Variants in ME1 observed in about 807,000 individuals in gnomAD.
The protein encoded by ME1 is malic enzyme 1, also known as NADP-dependent malic enzyme.
In ME1, 74 loss-of-function variants were observed where a neutral mutation model predicts 66.4. The ratio of observed to expected loss-of-function variants is 1.11; its 90% CI spans 0.92 to 1.35. ME1 has a LOEUF of 1.35. Among genes scored for constraint, ME1 ranks in the 40% most tolerant of loss-of-function variants. ME1 has a pLI of 0.00. For synonymous variants in ME1, 251 were observed against 235.6 expected, an observed-to-expected ratio of 1.07 and a Z score of -0.60; for missense variants, 750 against 694.1, an observed-to-expected ratio of 1.08 and a Z score of -0.90.
intron 8 of ME1, 117 bp downstream of exon 8, chr6:83,239,422 C>A: frequency 1.6e-6 from 1 of 621,238 alleles, no homozygotes. Flanking sequence ...TTCCATAAAG[C>A]CTACAGTCAT....
In ME1 at chr6:83,398,470, A is replaced by C; in HGVS notation, c.259T>G (p.Tyr87Asp). The C allele has an allele frequency of 5.7e-6, 9 of 1,584,180 alleles. No individual in the cohort carries two copies. Among genetic ancestry groups the C allele is most frequent in the Non-Finnish European group, 7.8e-6 (9 of 1,160,934 alleles). Residue 87 changes from tyrosine to aspartate, a missense_variant, in exon 3 of 14, where the codon TAT becomes GAT. Physicochemically the swap from Tyr to Asp is radical, Grantham distance 160 (BLOSUM62 -3). Transcript: ENST00000369705. Reference protein sequence around the residue: ...DLQDRNEKLFYRVLTSDIEKF... With the variant: ...DLQDRNEKLFDRVLTSDIEKF... ...TCAATGTCAGATGTCAGCACTCTAT[A>C]AAAGAGTTTTTCATTTCTATCTTGG...
chr6:83,384,678 G>C (rs979883205), intron 3 of ME1, among the ~76,000 whole-genome samples: 1 of 151,686 alleles, frequency 6.6e-6, no homozygotes, highest in Non-Finnish European at 1.5e-5. Context: ...TGTTGCAGTT[G>C]CTTTTGGGAA....
intron 3 of ME1, among the ~76,000 whole-genome samples, chr6:83,387,505 A>G (rs953065721): frequency 6.6e-6 from 1 of 152,110 alleles, no homozygotes; most frequent in Non-Finnish European, 1.5e-5. Flanking sequence ...CATATAAGTA[A>G]ACATTATTTA....
intron 12 of ME1, among the ~76,000 whole-genome samples, chr6:83,220,470 C>G (rs995686400): frequency 3.3e-5 from 5 of 152,194 alleles, no homozygotes; most frequent in Non-Finnish European, 5.9e-5. Flanking sequence ...AGCCAAAAAT[C>G]TCTTCATGAT....
intron 3 of ME1, among the ~76,000 whole-genome samples, chr6:83,380,965 T>C (rs1769384022): frequency 6.6e-6 from 1 of 152,078 alleles, no homozygotes; most frequent in Non-Finnish European, 1.5e-5. Context: ...AGGAAATGTA[T>C]TAGATATAGT....
intron 6 of ME1, among the ~76,000 whole-genome samples, chr6:83,281,404 C>A (rs964739352): frequency 2.0e-5 from 3 of 152,170 alleles, no homozygotes; most frequent in Non-Finnish European, 4.4e-5. Context: ...TCTGATAACT[C>A]ATCTAACAAC....
intron 6 of ME1, among the ~76,000 whole-genome samples, chr6:83,254,080 T>C (rs1790765819): frequency 6.6e-6 from 1 of 152,192 alleles, no homozygotes; most frequent in Non-Finnish European, 1.5e-5. Context: ...CGAAGATAGA[T>C]ATCACTTCTG....
intron 1 of ME1, among the ~76,000 whole-genome samples, chr6:83,417,089 G>A (rs1024502712): frequency 6.6e-6 from 1 of 152,038 alleles, no homozygotes; most frequent in African/African-American, 2.4e-5. Context: ...ACAGTCTGTT[G>A]CCCAGGATAG....
chr6:83,315,255 T>C, intron 6 of ME1, 55 bp downstream of exon 6: 1 of 1,056,324 alleles, frequency 9.5e-7, no homozygotes, highest in South Asian at 1.4e-5. Context: ...GATTTTTTAA[T>C]AGTCTGTTAT....
At chr6:83,332,976 T>G (rs2128542339) in intron 5 of ME1, among the ~76,000 whole-genome samples, 1 of 152,332 alleles carries the variant, frequency 6.6e-6, no homozygotes, top group African/African-American at 2.4e-5. Context: ...TTTTGGCATC[T>G]TAGTTCCTTA....
At chr6:83,235,244 T>C (rs1790377681) in intron 9 of ME1, among the ~76,000 whole-genome samples, 1 of 152,164 alleles carries the variant, frequency 6.6e-6, no homozygotes, top group South Asian at 2.1e-4. Context: ...ATATTTTTTA[T>C]AATACTTTCA....
At chr6:83,278,644 T>TA (rs1488668744) in intron 6 of ME1, among the ~76,000 whole-genome samples, 1 of 151,624 alleles carries the variant, frequency 6.6e-6, no homozygotes, top group Non-Finnish European at 1.5e-5. Flanking sequence ...TTCTTGTAGA[T>TA]ATGAGGGTCC....
chr6:83,424,578 G>T (rs985628806), intron 1 of ME1, among the ~76,000 whole-genome samples: 1 of 152,082 alleles, frequency 6.6e-6, no homozygotes, highest in African/African-American at 2.4e-5. Context: ...ATTGGCAATG[G>T]CTACAAGCAA....
chr6:83,340,162 A>AT (rs1157312497), intron 5 of ME1, among the ~76,000 whole-genome samples: 1 of 152,088 alleles, frequency 6.6e-6, no homozygotes, highest in South Asian at 2.1e-4. Flanking sequence ...TGACCACAGT[A>AT]TTTTTTAGTT....
Position 83,398,489 on chromosome 6 carries a change from A to T in ME1, c.240T>A (p.Asp80Glu). 1.3e-6 allele frequency: 2 copies of T among 1,567,232 alleles called. No individual in the cohort carries two copies. Among genetic ancestry groups the T allele is most frequent in the Non-Finnish European group, 1.7e-6 (2 of 1,150,592 alleles). The change falls in exon 3 of 14, where the codon GAT becomes GAA. Residue 80 changes from aspartate to glutamate, a missense_variant. Coordinates refer to ENST00000369705, the MANE Select transcript of ME1 (RefSeq NM_002395.6). ...DRYLLLMDLQ[D>E]RNEKLFYRVL... ...CTCTATAAAAGAGTTTTTCATTTCT[A>T]TCTTGGAGATCCATTAAGAGAAGAT...
intron 5 of ME1, among the ~76,000 whole-genome samples, chr6:83,321,777 T>G (rs1337428236): frequency 6.6e-6 from 1 of 152,184 alleles, no homozygotes; most frequent in African/African-American, 2.4e-5. Context: ...GCAGCACATC[T>G]CCCAGCACAG....
chr6:83,378,200 G>C (rs1222140172), intron 3 of ME1, among the ~76,000 whole-genome samples: 1 of 151,498 alleles, frequency 6.6e-6, no homozygotes, highest in Admixed American at 6.6e-5. Flanking sequence ...TACAATGGGG[G>C]GGTGGGGAAA....
At chr6:83,311,432 G>A (rs1437348007) in intron 6 of ME1, among the ~76,000 whole-genome samples, 1 of 152,148 alleles carries the variant, frequency 6.6e-6, no homozygotes, top group Non-Finnish European at 1.5e-5. Flanking sequence ...ATGGTTCCTA[G>A]AAACATGGAC....
At chr6:83,397,028 A>C (rs1343432989) in intron 3 of ME1, among the ~76,000 whole-genome samples, 1 of 152,180 alleles carries the variant, frequency 6.6e-6, no homozygotes, top group East Asian at 1.9e-4. Context: ...AAACTATAAA[A>C]CTTCTACAAG....
Sources: allele counts gnomAD v4.1 joint callset (sites outside exome capture counted in the v4.1 genomes callset), GRCh38; gene constraint gnomAD v4.1.1; transcripts MANE v1.5; gene names NCBI Gene and HGNC (gene_info 2026-07-23, HGNC 2026-07-21).